The following NEB variants were observed in gnomAD, a reference collection of about 807,000 sequenced individuals.
NEB encodes nemaline myopathy type 2.
In NEB, 512 loss-of-function variants were observed where a neutral mutation model predicts 952.2. The observed-to-expected ratio is 0.54, with a 90% CI of 0.50 to 0.58. The LOEUF (loss-of-function observed/expected upper bound fraction) is 0.58. Ranked by LOEUF, NEB falls within the 20% of genes least tolerant of loss-of-function variation. The pLI is 0.00. For missense variants in NEB, 8,428 were observed against 9,231.1 expected, an observed-to-expected ratio of 0.91 and a Z score of 3.56; for synonymous variants, 2,900 against 3,149.8, an observed-to-expected ratio of 0.92 and a Z score of 2.66.
chr2:151,698,511 C>T lies in NEB; in HGVS notation c.1153-863G>A, dbSNP rs867170155. 5.9e-5 allele frequency among the ~76,000 whole-genome samples: 9 copies of T among 152,080 alleles called. No individual in the cohort carries two copies. In the South Asian group the frequency reaches 1.5e-3, roughly 25 times the overall value. On this transcript the variant is annotated intron_variant, in intron 13 of 181. Transcript: ENST00000397345. Reference sequence around the variant, plus strand: ...TGCAACATTGTAAATGTAATTAATGCCACTGAATTATACACTTTGAAATGG... The same window carrying T: ...TGCAACATTGTAAATGTAATTAATGTCACTGAATTATACACTTTGAAATGG...
At chr2:151,513,847 G>A (rs947094661) in intron 159 of NEB, among the ~76,000 whole-genome samples, 154 bp from the exon 160 acceptor site, 2 of 152,220 alleles carry the variant, frequency 1.3e-5, no homozygotes, top group Non-Finnish European at 2.9e-5. Flanking sequence ...CGTGTGGTAG[G>A]ATGAAGTGGT....
intron 153 of NEB, among the ~76,000 whole-genome samples, chr2:151,523,603 TA>T (rs1222974047): frequency 1.3e-5 from 2 of 152,344 alleles, no homozygotes; most frequent in Non-Finnish European, 2.9e-5. Context: ...ATCTCTGAGC[TA>T]AAGTCTGAAA....
chr2:151,671,371 G>A, intron 37 of NEB, 142 bp from the exon 38 acceptor site: 2 of 672,724 alleles, frequency 3.0e-6, no homozygotes, highest in South Asian at 3.9e-5. Flanking sequence ...GAGCTTATCT[G>A]GAGTGTGGTA....
chr2:151,708,225 C>T (rs2099725190), intron 12 of NEB, among the ~76,000 whole-genome samples: 1 of 152,152 alleles, frequency 6.6e-6, no homozygotes, highest in Non-Finnish European at 1.5e-5. Flanking sequence ...CTTAAAAAGT[C>T]CCTCTTTACC....
At chr2:151,530,847 T>C (rs1261053828) in intron 145 of NEB, 147 bp downstream of exon 145, 1 of 591,920 alleles carries the variant, frequency 1.7e-6, no homozygotes. Flanking sequence ...ACTTACCGAA[T>C]CATGAGCAAA....
Position 151,650,636 on chromosome 2 carries a change from T to C in NEB, c.7165A>G (p.Thr2389Ala). Residue 2389 changes from threonine (T) to alanine (A), a missense_variant, in exon 53 of 182, where the codon ACA (threonine) becomes GCA (alanine). Physicochemically the swap from Thr to Ala is moderately conservative, Grantham distance 58 (BLOSUM62 0). Coordinates refer to ENST00000397345, the MANE Select transcript of NEB (RefSeq NM_001164508.2). ...VDYKNYLHQW[T>A]CLPDQNDVVQ... ...ACATCGTTCTGATCAGGCAGACATGTCCACTGATGCAGGTAGTTCTTGTAG... is the reference window on the plus strand; with the variant it reads ...ACATCGTTCTGATCAGGCAGACATGCCCACTGATGCAGGTAGTTCTTGTAG... The C allele has an allele frequency of 6.2e-7, 1 of 1,611,958 alleles. No individual in the cohort carries two copies. The highest frequency in any genetic ancestry group is 8.5e-7 in the Non-Finnish European group (1 of 1,178,560).
chr2:151,660,020 G>T (rs2099129233), intron 46 of NEB, among the ~76,000 whole-genome samples: 1 of 152,148 alleles, frequency 6.6e-6, no homozygotes, highest in South Asian at 2.1e-4. Flanking sequence ...ACTCATTCAA[G>T]GAAGGACCTG....
chr2:151,606,390 T>C (rs1173355992), intron 84 of NEB, among the ~76,000 whole-genome samples: 2 of 85,792 alleles, frequency 2.3e-5, no homozygotes, highest in African/African-American at 5.9e-5. Context: ...GTTTCTACTT[T>C]GTAACAGCAT....
Position 151,493,802 on chromosome 2 carries a change from C to G in NEB, c.24645G>C (p.Val8215=). Reference sequence around the variant, plus strand: ...AGCTAAAGTTTTCTTGATTGCGTTTCACTCTTTCCATCTCAGGAGTAAAGG... The same window carrying G: ...AGCTAAAGTTTTCTTGATTGCGTTTGACTCTTTCCATCTCAGGAGTAAAGG... ...PTPFTPEMER[V]KRNQENFSSV... The change falls in exon 175 of 182, where the codon GTG becomes GTC. Residue 8215 remains valine (V), a synonymous_variant. Transcript: ENST00000397345. 1.3e-6 allele frequency: 2 copies of G among 1,584,564 alleles called. No individual in the cohort carries two copies. Among genetic ancestry groups the G allele is most frequent in the South Asian group, 1.2e-5 (1 of 86,658 alleles).
At position 151,610,640 on chromosome 2, in the gene NEB, A is replaced by G. The variant is rs144836165; in HGVS notation, c.11911-17T>C. 3.3e-4 allele frequency: 529 copies of G among 1,593,672 alleles called. No individual in the cohort carries two copies. In the East Asian group the frequency reaches 0.011, roughly 33 times the overall value. ...GTAAAGTTTCTAGGGAAGGGATAAT[A>G]GACGACAGAAAATAAGAGTGTTTGA... On this transcript the variant is annotated splice_polypyrimidine_tract_variant and intron_variant, in intron 79 of 181. Transcript: ENST00000397345.
chr2:151,560,496 C>T, intron 124 of NEB, 96 bp downstream of exon 124: 1 of 992,326 alleles, frequency 1.0e-6, no homozygotes, highest in Non-Finnish European at 1.5e-6. Flanking sequence ...AGGGGTACTT[C>T]TGGACAACGT....
At chr2:151,611,105 C>A (rs1277204292) in intron 78 of NEB, among the ~76,000 whole-genome samples, 4 of 152,082 alleles carry the variant, frequency 2.6e-5, no homozygotes, top group Non-Finnish European at 5.9e-5. Context: ...ATAATGGTTG[C>A]TATTAGTAAT....
chr2:151,521,643 C>T (rs779956445), intron 153 of NEB, among the ~76,000 whole-genome samples: 7 of 152,184 alleles, frequency 4.6e-5, no homozygotes, highest in Non-Finnish European at 7.4e-5. Flanking sequence ...TAAAAGTCCT[C>T]CTTCTGTCTT....
chr2:151,635,391 G>C lies in NEB; in HGVS notation c.9102+836C>G, dbSNP rs138169600. ...GGCACCAGAAAAGGATGACAGTTTT[G>C]CTCTGGGAGACGTGCTAAATGGCTA... On this transcript the variant is annotated intron_variant, in intron 64 of 181. Transcript: ENST00000397345. 1.5e-3 allele frequency among the ~76,000 whole-genome samples: 224 copies of C among 152,186 alleles called. 2 individuals are homozygous for C. Among genetic ancestry groups the C allele is most frequent in the Non-Finnish European group, 2.7e-3 (181 of 68,012 alleles).
intron 73 of NEB, among the ~76,000 whole-genome samples, chr2:151,619,096 C>G (rs540908117): frequency 6.6e-6 from 1 of 152,274 alleles, no homozygotes; most frequent in East Asian, 1.9e-4. Flanking sequence ...CCCTCTATCT[C>G]CCTACTGCCC....
At chr2:151,492,701 C>G in intron 176 of NEB, 1 of 371,506 alleles carries the variant, frequency 2.7e-6, no homozygotes. Flanking sequence ...GTTTTGACTT[C>G]GAAAATGAAA....
At chr2:151,612,824 G>A (rs137863488) in intron 77 of NEB, among the ~76,000 whole-genome samples, 1 of 152,108 alleles carries the variant, frequency 6.6e-6, no homozygotes, top group African/African-American at 2.4e-5. Context: ...GGTTGATCAC[G>A]TTGCATTAAT....
Position 151,650,349 on chromosome 2 carries a change from T to C in NEB, c.7258A>G (p.Arg2420Gly), listed in dbSNP as rs2099017254. ...NLYKSDLEWLRGIGWSPLGSL... is the reference protein window; with the variant it reads ...NLYKSDLEWLGGIGWSPLGSL... ...CCCAAGGGACTCCATCCTATGCCTC[T>C]CAGCCACTCAAGGTCAGATTTATAT... is the stretch of plus-strand genomic sequence containing the variant. Residue 2420 changes from arginine (R) to glycine (G), a missense_variant, in exon 54 of 182, where the codon AGA becomes GGA. By Grantham distance (125) the Arg-to-Gly change is moderately radical. This residue lies in a region of NEB where 1,772 missense variants were observed against 1,960.3 expected (regional missense o/e 0.90). Transcript: ENST00000397345. 1.2e-6 allele frequency: 2 copies of C among 1,613,936 alleles called. No homozygotes were observed. Among genetic ancestry groups the C allele is most frequent in the Middle Eastern group, 3.3e-4 (2 of 6,062 alleles).
At chr2:151,695,921 C>T (rs925174507) in intron 17 of NEB, among the ~76,000 whole-genome samples, 5 of 152,142 alleles carry the variant, frequency 3.3e-5, no homozygotes, top group Non-Finnish European at 4.4e-5. Context: ...ATGTTCCCCT[C>T]CCTGCGTAGC....
Sources: gnomAD v4.1 joint callset for allele counts (sites outside exome capture counted in the v4.1 genomes callset) on GRCh38, gnomAD v4.1.1 for gene constraint, gnomAD v4.1.1 regional missense constraint, MANE v1.5 for transcripts, NCBI Gene and HGNC (gene_info 2026-07-23, HGNC 2026-07-21) for gene names.